TDRD3: variants seen among roughly 807,000 people sequenced by gnomAD.
The protein encoded by TDRD3 is tudor domain containing 3, also known as tudor domain-containing protein 3.
TDRD3 carries 45 observed loss-of-function variants against 86.7 expected under a neutral mutation model. The ratio of observed to expected loss-of-function variants is 0.52; its 90% CI spans 0.41 to 0.67. The LOEUF (loss-of-function observed/expected upper bound fraction) is 0.67. TDRD3 is among the 30% of genes least tolerant of loss of function. TDRD3 has a pLI of 0.00. For synonymous variants in TDRD3, 298 were observed against 301.7 expected (o/e 0.99, Z 0.13); for missense variants, 814 against 889.0 (o/e 0.92, Z 1.07).
intron 12 of TDRD3, among the ~76,000 whole-genome samples, chr13:60,544,954 T>G (rs1019723717): frequency 6.6e-6 from 1 of 152,224 alleles, no homozygotes; most frequent in Non-Finnish European, 1.5e-5. Flanking sequence ...TAATTATTTA[T>G]TGAATGATGG....
intron 10 of TDRD3, among the ~76,000 whole-genome samples, chr13:60,526,117 C>T (rs1241729620): frequency 2.0e-5 from 3 of 152,104 alleles, no homozygotes; most frequent in Non-Finnish European, 2.9e-5. Context: ...AATATTTTCT[C>T]TTCCTCCTGA....
At chr13:60,540,465 T>C (rs920647313) in intron 12 of TDRD3, among the ~76,000 whole-genome samples, 5 of 152,150 alleles carry the variant, frequency 3.3e-5, no homozygotes, top group Non-Finnish European at 7.4e-5. Flanking sequence ...GCTGGAGATA[T>C]AAAAACTGCT....
In TDRD3 at chr13:60,516,474, G is replaced by A. The variant is rs188104143; in HGVS notation, c.1141+5719G>A. ...TTTTTATTAATATTCTGAAAAAAGT[G>A]AGGTTGGATTGCATTGTTTTCTGTT... On this transcript the variant is annotated intron_variant, in intron 10 of 13. Coordinates refer to ENST00000377881, the MANE Select transcript of TDRD3 (RefSeq NM_001146070.2). 2.7e-4 allele frequency among the ~76,000 whole-genome samples: 41 copies of A among 152,284 alleles called. No individual in the cohort carries two copies. The East Asian group carries it at 6.2e-3, about 23-fold the overall frequency.
intron 3 of TDRD3, among the ~76,000 whole-genome samples, chr13:60,451,926 A>G (rs560697263): frequency 1.3e-5 from 2 of 152,314 alleles, no homozygotes; most frequent in South Asian, 4.1e-4. Flanking sequence ...GAATCTGCGC[A>G]TTAGCTTAAA....
intron 5 of TDRD3, among the ~76,000 whole-genome samples, chr13:60,468,480 A>C (rs1011871356): frequency 6.6e-6 from 1 of 152,134 alleles, no homozygotes; most frequent in Non-Finnish European, 1.5e-5. Flanking sequence ...TAGCACTAAA[A>C]TTATGTTCAT....
intron 10 of TDRD3, among the ~76,000 whole-genome samples, chr13:60,520,724 G>A (rs946365388): frequency 1.5e-4 from 23 of 152,152 alleles, no homozygotes; most frequent in African/African-American, 5.3e-4. Context: ...CTAGGAGAGC[G>A]TTGACGACAC....
chr13:60,494,011 C>T (rs969674671), intron 7 of TDRD3, among the ~76,000 whole-genome samples: 1 of 152,120 alleles, frequency 6.6e-6, no homozygotes, highest in African/African-American at 2.4e-5. Flanking sequence ...TAAGATTATG[C>T]AATCATAATA....
intron 4 of TDRD3, among the ~76,000 whole-genome samples, chr13:60,466,218 T>C (rs1309218685): frequency 6.6e-6 from 1 of 152,210 alleles, no homozygotes; most frequent in Non-Finnish European, 1.5e-5. Flanking sequence ...ATGGCTCATA[T>C]AGATGTTAAA....
At chr13:60,492,627 A>G (rs1466305532) in intron 7 of TDRD3, among the ~76,000 whole-genome samples, 4 of 152,234 alleles carry the variant, frequency 2.6e-5, no homozygotes, top group Non-Finnish European at 5.9e-5. Flanking sequence ...TATCACATTA[A>G]TAAATACGTT....
chr13:60,494,714 T>G, intron 8 of TDRD3, 139 bp downstream of exon 8: 2 of 687,350 alleles, frequency 2.9e-6, no homozygotes, highest in South Asian at 1.1e-4. Flanking sequence ...CATTAAGGAT[T>G]ACAATTAAAT....
intron 5 of TDRD3, 49 bp downstream of exon 5, chr13:60,467,428 AT>A (rs909440220): frequency 1.3e-6 from 2 of 1,594,990 alleles, no homozygotes; most frequent in African/African-American, 2.7e-5. Context: ...ACTCTTTTTT[AT>A]TGCATTAAAG....
At chr13:60,396,386 CACGGACGCCCAATCGCGCGGTA>C (rs1380813040), upstream of TDRD3, 3 of 152,264 alleles carry the variant, frequency 2.0e-5, no homozygotes, top group Non-Finnish European at 4.4e-5. Context: ...CAGCGTGAGT[CACGGACGCCCAATCGCGCGGTA>C]GCGTCCGCCG....
Position 60,397,320 on chromosome 13 carries a change from C to CA in TDRD3, c.-44dup. On this transcript the variant is annotated 5_prime_UTR_variant, in exon 1 of 14. It removes the in-frame stop codon of an upstream open reading frame in the 5' UTR. Coordinates refer to ENST00000377881, the MANE Select transcript of TDRD3 (RefSeq NM_001146070.2). ...GGTCTCAAGTAGGAGGCCTCCCCAT[C>CA]ACCCCCACCCCAGCCCCCCACCACC... 7.4e-6 allele frequency: 6 copies of CA among 810,592 alleles called. No individual in the cohort carries two copies. Among genetic ancestry groups the CA allele is most frequent in the Non-Finnish European group, 1.1e-5 (6 of 539,878 alleles). The allele number at this position is 810,592 out of a possible 1,614,324, so 50.2% of individuals were successfully genotyped here.
intron 5 of TDRD3, 42 bp downstream of exon 5, chr13:60,467,421 C>CT (rs774839253): frequency 1.3e-6 from 2 of 1,597,692 alleles, no homozygotes; most frequent in South Asian, 2.3e-5. Flanking sequence ...ACATTACACT[C>CT]TTTTTTATTG....
intron 2 of TDRD3, among the ~76,000 whole-genome samples, chr13:60,443,537 C>T (rs1388239071): frequency 6.6e-6 from 1 of 151,872 alleles, no homozygotes. Flanking sequence ...AGGGATTATA[C>T]AACTTATATT....
chr13:60,514,221 A>T (rs1047339863), intron 10 of TDRD3, among the ~76,000 whole-genome samples: 12 of 152,336 alleles, frequency 7.9e-5, no homozygotes, highest in African/African-American at 2.9e-4. Flanking sequence ...TGATTTGTGG[A>T]ACTTTAAACT....
intron 12 of TDRD3, among the ~76,000 whole-genome samples, chr13:60,563,232 T>TAAAA (rs36139602): frequency 0.16 from 21,169 of 134,480 alleles, 1,683 homozygotes; most frequent in South Asian, 0.19. Flanking sequence ...CATATCAATT[T>TAAAA]AAAAAAAAAA....
At chr13:60,421,316 A>G (rs1041501306) in intron 1 of TDRD3, among the ~76,000 whole-genome samples, 5 of 152,208 alleles carry the variant, frequency 3.3e-5, no homozygotes, top group Non-Finnish European at 5.9e-5. Flanking sequence ...GAGCATGTGC[A>G]CAGGAACTGC....
chr13:60,498,429 A>G (rs1434982297), intron 8 of TDRD3, among the ~76,000 whole-genome samples: 1 of 152,146 alleles, frequency 6.6e-6, no homozygotes, highest in Non-Finnish European at 1.5e-5. Context: ...GTAGAAGCAA[A>G]ACGGCAATCA....
Sources: gnomAD v4.1 joint callset for allele counts (sites outside exome capture counted in the v4.1 genomes callset) on GRCh38, gnomAD v4.1.1 for gene constraint, MANE v1.5 for transcripts, NCBI Gene and HGNC (gene_info 2026-07-23, HGNC 2026-07-21) for gene names.